SIL1: variants seen among roughly 807,000 people sequenced by gnomAD.
SIL1 encodes nucleotide exchange factor SIL1.
Under a neutral mutation model 49.1 loss-of-function variants are expected in SIL1, and 40 were observed. That is an observed-to-expected ratio of 0.81 (90% CI 0.63 to 1.06). The LOEUF (loss-of-function observed/expected upper bound fraction) is 1.06. SIL1 is among the 50% of genes least tolerant of loss of function. The pLI is 0.00. For synonymous variants in SIL1, 253 were observed against 250.8 expected (o/e 1.01, Z -0.08); for missense variants, 500 against 572.6 (o/e 0.87, Z 1.29).
intron 3 of SIL1, among the ~76,000 whole-genome samples, chr5:139,071,772 A>AT (rs1480997683): frequency 2.7e-5 from 4 of 149,422 alleles, no homozygotes; most frequent in African/African-American, 9.9e-5. Flanking sequence ...GGTTCAAGCG[A>AT]TTCTCTGCCT....
chr5:138,952,936 TAGTC>T (rs1766815871), intron 7 of SIL1, among the ~76,000 whole-genome samples: 2 of 152,214 alleles, frequency 1.3e-5, no homozygotes, highest in South Asian at 2.1e-4. Context: ...AGGGACCAGA[TAGTC>T]AGGCCCTTGG....
chr5:139,168,170 A>G (rs1028711057), intron 1 of SIL1, among the ~76,000 whole-genome samples: 3 of 152,242 alleles, frequency 2.0e-5, no homozygotes, highest in African/African-American at 7.2e-5. Context: ...AGGCTATACC[A>G]TCTAGGTTTA....
intron 7 of SIL1, among the ~76,000 whole-genome samples, chr5:138,965,483 C>T (rs1251518377): frequency 6.6e-6 from 1 of 152,046 alleles, no homozygotes; most frequent in African/African-American, 2.4e-5. Context: ...CAAACCGGGA[C>T]ACTTTTGAGA....
At chr5:139,035,279 G>T in intron 5 of SIL1, 1 of 517,242 alleles carries the variant, frequency 1.9e-6, no homozygotes, top group Non-Finnish European at 3.8e-6. Context: ...AGAGTTCTCT[G>T]GCTAAAGATT....
chr5:139,184,716 G>C (rs1354212891), intron 1 of SIL1, among the ~76,000 whole-genome samples: 1 of 152,070 alleles, frequency 6.6e-6, no homozygotes, highest in Non-Finnish European at 1.5e-5. Context: ...GATGTCATAA[G>C]AATCAGACTG....
At chr5:139,026,379 A>G (rs1239939796) in intron 6 of SIL1, among the ~76,000 whole-genome samples, 2 of 152,152 alleles carry the variant, frequency 1.3e-5, no homozygotes, top group African/African-American at 4.8e-5. Context: ...AGGTGGGTGG[A>G]TCACTTGAGG....
intron 1 of SIL1, among the ~76,000 whole-genome samples, chr5:139,183,753 A>C (rs777971434): frequency 5.3e-5 from 8 of 152,198 alleles, no homozygotes; most frequent in Non-Finnish European, 8.8e-5. Context: ...TATGGTAAGA[A>C]GGGTCTCCAA....
chr5:138,984,337 T>C (rs1445815866), intron 7 of SIL1, among the ~76,000 whole-genome samples: 8 of 151,512 alleles, frequency 5.3e-5, no homozygotes, highest in Non-Finnish European at 1.2e-4. Context: ...ACGGTGTTTT[T>C]TTTTTTGTTT....
chr5:139,184,787 C>T (rs138913449), intron 1 of SIL1, among the ~76,000 whole-genome samples: 1 of 152,162 alleles, frequency 6.6e-6, no homozygotes, highest in Non-Finnish European at 1.5e-5. Context: ...ATTGTTATTC[C>T]AAAGACCCCT....
At position 139,103,733 on chromosome 5, in the gene SIL1, A is replaced by T. The variant is rs1012719915; in HGVS notation, c.244+17302T>A. Among the ~76,000 whole-genome samples the T allele has an allele frequency of 5.9e-5, 9 of 152,316 alleles. No homozygotes were observed. In the South Asian group the frequency reaches 1.2e-3, roughly 21 times the overall value. ...ATCATCTTTAAAATGAAAAACACAG[A>T]CATGTGTGTGGGAGTCAGCATAAGC... On this transcript the variant is annotated intron_variant, in intron 3 of 9. Transcript: ENST00000394817.
In SIL1 at chr5:139,157,972, C is replaced by A. The variant is rs532704419; in HGVS notation, c.-10-30119G>T. Among the ~76,000 whole-genome samples, 3 of 152,316 alleles carry A rather than the reference C, an allele frequency of 2.0e-5. No homozygotes were observed. In the South Asian group the frequency reaches 6.2e-4, roughly 32 times the overall value. On this transcript the variant is annotated intron_variant, in intron 1 of 9. Coordinates refer to ENST00000394817, the MANE Select transcript of SIL1 (RefSeq NM_022464.5). The stretch of plus-strand genomic sequence containing the variant: ...CAAGGTTATTCTAGCAACTCTCTAC[C>A]TTCTTTTGTCAAGAAGGTTCAATCT...
At chr5:139,051,317 A>G in intron 3 of SIL1, 1 of 492,760 alleles carries the variant, frequency 2.0e-6, no homozygotes, top group Non-Finnish European at 3.7e-6. Flanking sequence ...CCCCAGTTAG[A>G]ACCTGCATAT....
At chr5:139,141,729 A>G (rs563313198) in intron 1 of SIL1, among the ~76,000 whole-genome samples, 1 of 152,370 alleles carries the variant, frequency 6.6e-6, no homozygotes, top group South Asian at 2.1e-4. Flanking sequence ...TATGTAAATT[A>G]CTACTTTGGA....
intron 3 of SIL1, among the ~76,000 whole-genome samples, chr5:139,069,343 A>T (rs1030725212): frequency 2.1e-4 from 32 of 152,142 alleles, no homozygotes; most frequent in African/African-American, 7.5e-4. Context: ...AAGAATCAGA[A>T]ATAAAAGAAC....
chr5:139,059,583 G>A (rs1349120971), intron 3 of SIL1, among the ~76,000 whole-genome samples: 1 of 152,076 alleles, frequency 6.6e-6, no homozygotes, highest in Non-Finnish European at 1.5e-5. Context: ...ATGTTTAAGG[G>A]ACACTGAGTT....
chr5:139,096,962 G>A (rs996914922), intron 3 of SIL1, among the ~76,000 whole-genome samples: 10 of 152,018 alleles, frequency 6.6e-5, no homozygotes, highest in African/African-American at 1.2e-4. Flanking sequence ...AGCCCACTGC[G>A]CTGAAGGGTG....
At chr5:139,069,279 T>C (rs1769775925) in intron 3 of SIL1, among the ~76,000 whole-genome samples, 1 of 151,300 alleles carries the variant, frequency 6.6e-6, no homozygotes. Context: ...CAGAGCGAGA[T>C]TCTGCCTCTA....
rs944002697 is a variant in SIL1 at position 138,959,785 on chromosome 5, C to T, written c.768-7901G>A. 2.6e-5 allele frequency among the ~76,000 whole-genome samples: 4 copies of T among 152,236 alleles called. No individual in the cohort carries two copies. The East Asian group carries it at 7.7e-4, about 29-fold the overall frequency. On this transcript the variant is annotated intron_variant, in intron 7 of 9. Coordinates refer to ENST00000394817, the MANE Select transcript of SIL1 (RefSeq NM_022464.5). ...GGCTGGACAACCCCCCACCCACAGT[C>T]CAATGGGCCTGGCTGCCTCTGCCCC...
At chr5:139,117,054 T>G (rs1771005930) in intron 3 of SIL1, among the ~76,000 whole-genome samples, 2 of 152,228 alleles carry the variant, frequency 1.3e-5, no homozygotes, top group Admixed American at 1.3e-4. Flanking sequence ...CACACAGATC[T>G]CAGGGTTAAA....
Sources: allele counts gnomAD v4.1 joint callset (sites outside exome capture counted in the v4.1 genomes callset), GRCh38; gene constraint gnomAD v4.1.1; transcripts MANE v1.5; gene names NCBI Gene and HGNC (gene_info 2026-07-23, HGNC 2026-07-21).